FAM83B: variants seen among roughly 807,000 people sequenced by gnomAD.
The protein encoded by FAM83B is protein FAM83B.
Under a neutral mutation model 38.8 loss-of-function variants are expected in FAM83B, and 26 were observed. The ratio of observed to expected loss-of-function variants is 0.67; its 90% CI spans 0.49 to 0.93. FAM83B has a LOEUF of 0.93. Among genes scored for constraint, FAM83B ranks in the 40% least tolerant of loss-of-function variants. FAM83B has a pLI of 0.00. For synonymous variants in FAM83B, 419 were observed against 423.1 expected (o/e 0.99, Z 0.12); for missense variants, 1,237 against 1,197.3 (o/e 1.03, Z -0.49).
intron 2 of FAM83B, among the ~76,000 whole-genome samples, chr6:54,877,030 A>G (rs1297011975): frequency 2.6e-5 from 4 of 152,212 alleles, no homozygotes; most frequent in Non-Finnish European, 5.9e-5. Flanking sequence ...CTTGTCATAA[A>G]ATACTGAGAA....
In FAM83B at chr6:54,942,656, C is replaced by T. The variant is rs540603824; in HGVS notation, c.*649C>T. On this transcript the variant is annotated 3_prime_UTR_variant, in exon 5 of 5. Transcript: ENST00000306858. ...ATTTATTTTCCTCAGCCTTTGAAAA[C>T]GGTCTGGGATGTGCTTCTTTCTACA... Among the ~76,000 whole-genome samples the T allele has an allele frequency of 4.2e-4, 63 of 149,502 alleles. No individual in the cohort carries two copies. Among genetic ancestry groups the T allele is most frequent in the African/African-American group, 1.5e-3 (60 of 39,234 alleles).
chr6:54,909,885 G>A (rs986511626), intron 2 of FAM83B, among the ~76,000 whole-genome samples: 6 of 152,130 alleles, frequency 3.9e-5, no homozygotes, highest in African/African-American at 1.2e-4. Context: ...AAGAAAAGAC[G>A]GGGATTTTGG....
chr6:54,871,555 CAATAATAATAATAATAATAATAATAAT>C (rs3064912), intron 2 of FAM83B, among the ~76,000 whole-genome samples: 1 of 127,150 alleles, frequency 7.9e-6, no homozygotes, highest in African/African-American at 3.0e-5. Flanking sequence ...CTCGTCTCTA[CAATAATAATAATAATAATAATAATAAT>C]AATAATAATA....
chr6:54,862,868 A>ACC (rs371754330), intron 1 of FAM83B, among the ~76,000 whole-genome samples: 10 of 149,364 alleles, frequency 6.7e-5, no homozygotes, highest in Non-Finnish European at 1.0e-4. Context: ...TGGGTGCAAA[A>ACC]ACCCCCCCCC....
intron 1 of FAM83B, among the ~76,000 whole-genome samples, chr6:54,864,124 T>A (rs1771648855): frequency 6.6e-6 from 1 of 152,190 alleles, no homozygotes; most frequent in Admixed American, 6.5e-5. Context: ...CATTGAATAA[T>A]TGTGTTTTAA....
intron 3 of FAM83B, 23 bp from the exon 4 acceptor site, chr6:54,927,485 T>C (rs771001532): frequency 1.3e-6 from 2 of 1,540,272 alleles, no homozygotes; most frequent in South Asian, 2.6e-5. Context: ...TAATGTCTGC[T>C]TTTTATTTAC....
At chr6:54,889,417 G>T (rs1032263765) in intron 2 of FAM83B, among the ~76,000 whole-genome samples, 1 of 151,972 alleles carries the variant, frequency 6.6e-6, no homozygotes, top group Non-Finnish European at 1.5e-5. Flanking sequence ...AGCTACATAC[G>T]ATAAATCCCT....
chr6:54,892,043 G>GT (rs1772414967), intron 2 of FAM83B, among the ~76,000 whole-genome samples: 1 of 152,058 alleles, frequency 6.6e-6, no homozygotes, highest in Non-Finnish European at 1.5e-5. Context: ...TCTACATTTG[G>GT]TAATTACTTG....
chr6:54,886,041 A>G (rs999316530), intron 2 of FAM83B, among the ~76,000 whole-genome samples: 2 of 152,054 alleles, frequency 1.3e-5, no homozygotes, highest in Admixed American at 6.6e-5. Context: ...TCATTTTATC[A>G]TGTCATATGA....
chr6:54,904,960 G>T lies in FAM83B; in HGVS notation c.445-21411G>T, dbSNP rs141515245. Among the ~76,000 whole-genome samples, 818 of 152,274 alleles carry T rather than the reference G, an allele frequency of 5.4e-3. 6 individuals carry two copies. Among genetic ancestry groups the T allele is most frequent in the Non-Finnish European group, 6.0e-3 (407 of 68,020 alleles). On this transcript the variant is annotated intron_variant, in intron 2 of 4. Transcript: ENST00000306858. ...AGGAGGGAGAGGATGGGAGATCAACGATCTGTAAAGAAAGGAAAGACATTC... is the reference window on the plus strand; with the variant it reads ...AGGAGGGAGAGGATGGGAGATCAACTATCTGTAAAGAAAGGAAAGACATTC...
At chr6:54,892,932 T>C (rs1772439907) in intron 2 of FAM83B, among the ~76,000 whole-genome samples, 1 of 152,074 alleles carries the variant, frequency 6.6e-6, no homozygotes, top group African/African-American at 2.4e-5. Context: ...TCCCCCTTGC[T>C]TTCTTCTGGA....
At chr6:54,846,389 TC>T (rs1361498171), upstream of FAM83B, among the ~76,000 whole-genome samples, 1 of 152,104 alleles carries the variant, frequency 6.6e-6, no homozygotes, top group Non-Finnish European at 1.5e-5. Flanking sequence ...TCGGCCTAGA[TC>T]CGCCTTCTTC....
At chr6:54,867,989 G>T (rs774933347) in intron 1 of FAM83B, among the ~76,000 whole-genome samples, 37 of 152,026 alleles carry the variant, frequency 2.4e-4, no homozygotes, top group Admixed American at 1.2e-3. Context: ...TCCTTCATTG[G>T]CTGGAATTTT....
At chr6:54,937,407 C>T (rs904602358) in intron 4 of FAM83B, among the ~76,000 whole-genome samples, 3 of 151,944 alleles carry the variant, frequency 2.0e-5, no homozygotes, top group African/African-American at 7.3e-5. Flanking sequence ...TCCTGATTGG[C>T]ATTTTGACTG....
intron 2 of FAM83B, among the ~76,000 whole-genome samples, chr6:54,877,904 G>T (rs1350685571): frequency 6.6e-6 from 1 of 152,158 alleles, no homozygotes; most frequent in Non-Finnish European, 1.5e-5. Context: ...GAGATCAGTG[G>T]GTGTAGATGT....
intron 2 of FAM83B, among the ~76,000 whole-genome samples, chr6:54,903,314 C>T (rs929684259): frequency 3.3e-5 from 5 of 152,112 alleles, no homozygotes; most frequent in Admixed American, 6.6e-5. Flanking sequence ...TAGGATAAGT[C>T]CAAAGAGTTG....
intron 1 of FAM83B, among the ~76,000 whole-genome samples, chr6:54,860,044 TG>T (rs1554143354): frequency 2.4e-4 from 1 of 4,134 alleles, no homozygotes; most frequent in Non-Finnish European, 1.3e-3. Flanking sequence ...CCACCCTCAT[TG>T]TGTGTGTGTG....
At chr6:54,849,533 G>A (rs1210412844) in intron 1 of FAM83B, among the ~76,000 whole-genome samples, 1 of 151,632 alleles carries the variant, frequency 6.6e-6, no homozygotes, top group African/African-American at 2.4e-5. Flanking sequence ...TGATGGAGGG[G>A]GCAAAGGATG....
At chr6:54,854,252 T>G (rs1474856186) in intron 1 of FAM83B, among the ~76,000 whole-genome samples, 1 of 152,326 alleles carries the variant, frequency 6.6e-6, no homozygotes, top group East Asian at 1.9e-4. Context: ...TAGAATATTA[T>G]AAAAACTTAG....
Sources: allele counts gnomAD v4.1 joint callset (sites outside exome capture counted in the v4.1 genomes callset), GRCh38; gene constraint gnomAD v4.1.1; transcripts MANE v1.5; gene names NCBI Gene and HGNC (gene_info 2026-07-23, HGNC 2026-07-21).